Variants in STAG1 observed in about 807,000 individuals in gnomAD.
The protein encoded by STAG1 is cohesin subunit SA-1.
Under a neutral mutation model 170.9 loss-of-function variants are expected in STAG1, and 26 were observed. That is an observed-to-expected ratio of 0.15 (90% CI 0.11 to 0.21). The LOEUF (loss-of-function observed/expected upper bound fraction) is 0.21. Among genes scored for constraint, STAG1 ranks in the 10% least tolerant of loss-of-function variants. The probability of loss-of-function intolerance (pLI) is 1.00; values close to 1 mark genes in which losing one functional copy is unlikely to be tolerated. For missense variants in STAG1, 964 were observed against 1,509.5 expected (o/e 0.64, Z 5.99); for synonymous variants, 514 against 497.7 (o/e 1.03, Z -0.44).
At position 136,545,948 on chromosome 3, in the gene STAG1, T is replaced by A. The variant is rs544611925; in HGVS notation, c.395-3753A>T. 1.5e-4 allele frequency among the ~76,000 whole-genome samples: 23 copies of A among 152,258 alleles called. No individual in the cohort carries two copies. In the East Asian group the frequency reaches 3.7e-3, roughly 24 times the overall value. ...ACATTAAAGTAAATGTTTTTAAAAA[T>A]CACGTATTGGCACATAACATGTGAG... is the stretch of plus-strand genomic sequence containing the variant. On this transcript the variant is annotated intron_variant, in intron 5 of 33. Coordinates refer to ENST00000383202, the MANE Select transcript of STAG1 (RefSeq NM_005862.3).
chr3:136,630,807 A>G, intron 2 of STAG1, 63 bp downstream of exon 2: 1 of 1,167,276 alleles, frequency 8.6e-7, no homozygotes, highest in Non-Finnish European at 1.2e-6. Flanking sequence ...CATTTTGATA[A>G]AGAAATAAGT....
At chr3:136,442,800 A>G (rs1467137896) in intron 15 of STAG1, among the ~76,000 whole-genome samples, 1 of 152,036 alleles carries the variant, frequency 6.6e-6, no homozygotes, top group East Asian at 1.9e-4. Flanking sequence ...AGCACTTTGG[A>G]GGGCTAAGGC....
At chr3:136,751,054 T>G (rs1559989990) in intron 1 of STAG1, among the ~76,000 whole-genome samples, 1 of 152,226 alleles carries the variant, frequency 6.6e-6, no homozygotes, top group Non-Finnish European at 1.5e-5. Context: ...AGATACTTTC[T>G]CAAGTAAACA....
At chr3:136,405,231 CTTTTTTTTTTTTTTTTT>C (rs554475207) in intron 21 of STAG1, among the ~76,000 whole-genome samples, 2 of 60,876 alleles carry the variant, frequency 3.3e-5, no homozygotes, top group Non-Finnish European at 7.0e-5. Context: ...GAAAAAACCT[CTTTTTTTTTTTTTTTTT>C]TTTTTTTTTT....
chr3:136,630,735 T>A, intron 2 of STAG1, 135 bp downstream of exon 2: 1 of 706,538 alleles, frequency 1.4e-6, no homozygotes, highest in Non-Finnish European at 2.5e-6. Flanking sequence ...TACTACTACT[T>A]ACACTGCAAA....
intron 28 of STAG1, among the ~76,000 whole-genome samples, chr3:136,349,924 G>C (rs1936372127): frequency 6.6e-6 from 1 of 152,158 alleles, no homozygotes; most frequent in African/African-American, 2.4e-5. Flanking sequence ...GGAGGCCGAG[G>C]TGGGCAGATC....
At chr3:136,638,599 C>CT (rs1432500243) in intron 1 of STAG1, among the ~76,000 whole-genome samples, 2 of 152,038 alleles carry the variant, frequency 1.3e-5, no homozygotes, top group Non-Finnish European at 1.5e-5. Flanking sequence ...TAGCAGCTTT[C>CT]TTTTAAAAAA....
intron 26 of STAG1, among the ~76,000 whole-genome samples, chr3:136,362,960 T>C (rs1936931930): frequency 6.6e-6 from 1 of 152,134 alleles, no homozygotes; most frequent in Non-Finnish European, 1.5e-5. Context: ...ATATATCCAC[T>C]AGGCCCCCTG....
chr3:136,661,683 C>G (rs1941585097), intron 1 of STAG1, among the ~76,000 whole-genome samples: 1 of 152,108 alleles, frequency 6.6e-6, no homozygotes. Flanking sequence ...AAGGGAGACT[C>G]AACAAACTCT....
At chr3:136,646,153 C>T (rs1941003755) in intron 1 of STAG1, among the ~76,000 whole-genome samples, 1 of 152,074 alleles carries the variant, frequency 6.6e-6, no homozygotes, top group African/African-American at 2.4e-5. Flanking sequence ...TTCTTCATCT[C>T]ATTTCCTTAG....
At chr3:136,522,344 G>A (rs1182926115) in intron 6 of STAG1, among the ~76,000 whole-genome samples, 2 of 152,172 alleles carry the variant, frequency 1.3e-5, no homozygotes, top group Non-Finnish European at 2.9e-5. Context: ...CGGACTCAGA[G>A]TCAAAATCCC....
chr3:136,526,036 T>C (rs1935003822), intron 6 of STAG1, among the ~76,000 whole-genome samples: 1 of 152,226 alleles, frequency 6.6e-6, no homozygotes, highest in African/African-American at 2.4e-5. Flanking sequence ...AATTTTGGAA[T>C]AAGTATGACG....
At chr3:136,670,470 C>T (rs1004992728) in intron 1 of STAG1, among the ~76,000 whole-genome samples, 1 of 152,204 alleles carries the variant, frequency 6.6e-6, no homozygotes, top group East Asian at 1.9e-4. Flanking sequence ...TGGTTTTATA[C>T]CTTTTTTGGG....
intron 1 of STAG1, among the ~76,000 whole-genome samples, chr3:136,722,792 C>T (rs1436753540): frequency 6.6e-6 from 1 of 152,086 alleles, no homozygotes; most frequent in African/African-American, 2.4e-5. Flanking sequence ...AGCCTCCCTG[C>T]CTGATTCTCC....
intron 30 of STAG1, among the ~76,000 whole-genome samples, chr3:136,343,620 A>G (rs957582804): frequency 7.2e-5 from 11 of 152,228 alleles, no homozygotes; most frequent in African/African-American, 2.7e-4. Flanking sequence ...GAGACACCGT[A>G]CATTTAAAGG....
intron 3 of STAG1, among the ~76,000 whole-genome samples, chr3:136,611,023 T>C (rs961950177): frequency 1.3e-5 from 2 of 152,166 alleles, no homozygotes; most frequent in Admixed American, 1.3e-4. Context: ...AGACTTCCAG[T>C]TTTTTCAAAT....
At chr3:136,740,395 G>A (rs930123222) in intron 1 of STAG1, among the ~76,000 whole-genome samples, 3 of 152,180 alleles carry the variant, frequency 2.0e-5, no homozygotes, top group Admixed American at 6.5e-5. Context: ...CAGTAAAAGG[G>A]GGATAACACC....
chr3:136,379,628 G>C (rs1937830294), intron 22 of STAG1, among the ~76,000 whole-genome samples: 1 of 152,126 alleles, frequency 6.6e-6, no homozygotes, highest in African/African-American at 2.4e-5. Context: ...AGAATGGCTT[G>C]AATCTGGGAG....
At chr3:136,392,305 A>C (rs1200316084) in intron 22 of STAG1, among the ~76,000 whole-genome samples, 3 of 152,190 alleles carry the variant, frequency 2.0e-5, no homozygotes, top group Non-Finnish European at 2.9e-5. Context: ...GAGAGAGGTA[A>C]AATAAATTAC....
Sources: allele counts gnomAD v4.1 joint callset (sites outside exome capture counted in the v4.1 genomes callset), GRCh38; gene constraint gnomAD v4.1.1; transcripts MANE v1.5; gene names NCBI Gene and HGNC (gene_info 2026-07-23, HGNC 2026-07-21).